The following UGT1A8 variants were observed in gnomAD, a reference collection of about 807,000 sequenced individuals.
UGT1A8 encodes UDP glucuronosyltransferase family 1 member A8.
In UGT1A8, 39 loss-of-function variants were observed where a neutral mutation model predicts 45.3. That is an observed-to-expected ratio of 0.86 (90% CI 0.67 to 1.12). The LOEUF is 1.12. UGT1A8 is among the 50% of genes most tolerant of loss of function. The probability of loss-of-function intolerance (pLI) is 0.00; values close to 1 mark genes in which losing one functional copy is unlikely to be tolerated. For missense variants in UGT1A8, 719 were observed against 664.9 expected (o/e 1.08, Z -0.90); for synonymous variants, 275 against 249.2 (o/e 1.10, Z -0.97).
Position 233,618,327 on chromosome 2 carries a change from T to C in UGT1A8, c.620T>C (p.Val207Ala). 6.2e-7 allele frequency: 1 copy of C among 1,613,816 alleles called. No individual in the cohort carries two copies. The highest frequency in any genetic ancestry group is 8.5e-7 in the Non-Finnish European group (1 of 1,179,842). The change falls in exon 1 of 5, where the codon GTA becomes GCA. Residue 207 changes from valine (V) to alanine (A), a missense_variant. By Grantham distance (64) the Val-to-Ala change is moderately conservative. Coordinates refer to ENST00000373450, the MANE Select transcript of UGT1A8 (RefSeq NM_019076.5). ...FSDAMTFKER[V>A]RNHIMHLEEH... is the part of the protein sequence containing the mutation. The stretch of plus-strand genomic sequence containing the variant: ...GATGCCATGACTTTCAAGGAGAGAG[T>C]ACGGAACCACATCATGCACTTGGAG...
In UGT1A8 at chr2:233,671,885, A is replaced by G. The variant is rs369568035; in HGVS notation, c.855+53323A>G. 2.6e-6 allele frequency: 4 copies of G among 1,559,510 alleles called. No individual in the cohort carries two copies. In the African/African-American group the frequency reaches 5.4e-5, roughly 21 times the overall value. ...TGCTGGTATTTCTCCCACCTACTGTATCATAGGAGCTTAGATTCCCAGCTG... is the reference window on the plus strand; with the variant it reads ...TGCTGGTATTTCTCCCACCTACTGTGTCATAGGAGCTTAGATTCCCAGCTG... On this transcript the variant is annotated intron_variant, in intron 1 of 4. Transcript: ENST00000373450.
chr2:233,704,803 T>C (rs890648963), intron 1 of UGT1A8, among the ~76,000 whole-genome samples: 1 of 152,152 alleles, frequency 6.6e-6, no homozygotes, highest in African/African-American at 2.4e-5. Context: ...TAATTATATA[T>C]ATGTATATTG....
At chr2:233,764,754 C>T (rs955406982) in intron 1 of UGT1A8, among the ~76,000 whole-genome samples, 3 of 152,116 alleles carry the variant, frequency 2.0e-5, no homozygotes, top group African/African-American at 7.2e-5. Context: ...GTGGTGCAGA[C>T]CCTAGGGAGG....
intron 1 of UGT1A8, among the ~76,000 whole-genome samples, chr2:233,676,719 G>A (rs1484423630): frequency 2.0e-5 from 3 of 152,136 alleles, no homozygotes; most frequent in African/African-American, 7.2e-5. Context: ...GTCAGTGTGT[G>A]TTTTGCCTGA....
Position 233,617,663 on chromosome 2 carries a change from T to C in UGT1A8, c.-45T>C, listed in dbSNP as rs374052263. On this transcript the variant is annotated 5_prime_UTR_variant, in exon 1 of 5. Transcript: ENST00000373450. ...TGTAGTTCTTCCGCCTACTGTATCA[T>C]AGCAGCTTAGAATCCCAGCTGCTGG... 14 of 1,585,936 alleles carry C rather than the reference T, an allele frequency of 8.8e-6. No individual in the cohort carries two copies. Among genetic ancestry groups the C allele is most frequent in the African/African-American group, 6.7e-5 (5 of 74,482 alleles).
intron 1 of UGT1A8, among the ~76,000 whole-genome samples, chr2:233,744,647 A>G (rs1048416794): frequency 6.6e-6 from 1 of 151,912 alleles, no homozygotes; most frequent in Non-Finnish European, 1.5e-5. Context: ...CAGCTTCTGT[A>G]TTCAATCTAC....
chr2:233,743,797 C>T (rs1382716558), intron 1 of UGT1A8: 8 of 1,367,342 alleles, frequency 5.9e-6, no homozygotes, highest in Non-Finnish European at 7.8e-6. Flanking sequence ...TCTCCGCTTC[C>T]TCCTTGTTCT....
rs1479139201 is a variant in UGT1A8, at chr2:233,636,851, T to A, written c.855+18289T>A. On this transcript the variant is annotated intron_variant, in intron 1 of 4. Coordinates refer to ENST00000373450, the MANE Select transcript of UGT1A8 (RefSeq NM_019076.5). The stretch of plus-strand genomic sequence containing the variant: ...GCACAAAGTATATTTTCTCTATTAA[T>A]GAGTTCATCCAGTGGTTTTCTTGAC... 4 of 1,614,126 alleles carry A rather than the reference T, an allele frequency of 2.5e-6. No homozygotes were observed. The South Asian group carries it at 3.3e-5, about 13-fold the overall frequency.
intron 1 of UGT1A8, among the ~76,000 whole-genome samples, chr2:233,758,868 C>T (rs1697003822): frequency 1.3e-5 from 2 of 152,158 alleles, no homozygotes; most frequent in South Asian, 4.1e-4. Context: ...ACAATACTTG[C>T]CCCATAGTCC....
intron 1 of UGT1A8, among the ~76,000 whole-genome samples, chr2:233,626,162 A>G (rs2073081220): frequency 6.6e-6 from 1 of 152,048 alleles, no homozygotes; most frequent in Non-Finnish European, 1.5e-5. Context: ...TCTTTGATGT[A>G]TTTAAAAATG....
At position 233,728,248 on chromosome 2, in the gene UGT1A8, GA is replaced by G. The variant is rs150082316; in HGVS notation, c.856-38785del. ...ATCTTCAGGATGAAATAAAGGCCTGGATGACTGAAATAAAGACTGGAGCCTT... is the reference window on the plus strand; with the variant it reads ...ATCTTCAGGATGAAATAAAGGCCTGGTGACTGAAATAAAGACTGGAGCCTT... On this transcript the variant is annotated intron_variant, in intron 1 of 4. Transcript: ENST00000373450. 8.8e-3 allele frequency among the ~76,000 whole-genome samples: 1,334 copies of G among 152,284 alleles called. 20 individuals carry two copies. The highest frequency in any genetic ancestry group is 0.03 in the African/African-American group (1,244 of 41,558).
chr2:233,669,470 T>C (rs1338841199), intron 1 of UGT1A8, among the ~76,000 whole-genome samples: 6 of 152,228 alleles, frequency 3.9e-5, no homozygotes, highest in Non-Finnish European at 8.8e-5. Flanking sequence ...TTCAGGTCTC[T>C]CACCAATGTT....
At chr2:233,641,399 T>C (rs1263183430) in intron 1 of UGT1A8, among the ~76,000 whole-genome samples, 2 of 152,180 alleles carry the variant, frequency 1.3e-5, no homozygotes, top group Non-Finnish European at 2.9e-5. Context: ...TAGAAACTAG[T>C]CTTAACTTTG....
intron 1 of UGT1A8, chr2:233,693,751 G>A: frequency 1.2e-6 from 2 of 1,614,202 alleles, no homozygotes; most frequent in Non-Finnish European, 1.7e-6. Flanking sequence ...TATATCAGAA[G>A]GTCTCTGTTT....
At chr2:233,720,465 GATGA>G (rs2076862299) in intron 1 of UGT1A8, among the ~76,000 whole-genome samples, 1 of 152,108 alleles carries the variant, frequency 6.6e-6, no homozygotes, top group Non-Finnish European at 1.5e-5. Flanking sequence ...TGGGACCAGT[GATGA>G]ATGGACATGT....
intron 1 of UGT1A8, chr2:233,648,897 T>G: frequency 1.5e-6 from 2 of 1,328,008 alleles, no homozygotes; most frequent in Non-Finnish European, 2.1e-6. Context: ...TCATGGCATA[T>G]GATCTCTACA....
At chr2:233,748,948 C>T (rs1323524016) in intron 1 of UGT1A8, among the ~76,000 whole-genome samples, 1 of 151,628 alleles carries the variant, frequency 6.6e-6, no homozygotes, top group Non-Finnish European at 1.5e-5. Context: ...CCACCCTATC[C>T]CACTCCAAGT....
Position 233,768,319 on chromosome 2 carries a change from G to C in UGT1A8, c.1175G>C (p.Gly392Ala), listed in dbSNP as rs367897068. The C allele has an allele frequency of 1.4e-5, 23 of 1,614,162 alleles. No individual in the cohort carries two copies. In the South Asian group the frequency reaches 2.2e-4, roughly 15 times the overall value. ...CCCATGGTGATGATGCCCTTGTTTG[G>C]TGATCAGATGGACAATGCAAAGCGC... is the stretch of plus-strand genomic sequence containing the variant. ...GVPMVMMPLF[G>A]DQMDNAKRME... The change falls in exon 4 of 5, where the codon GGT (glycine) becomes GCT (alanine). Residue 392 changes from glycine to alanine, a missense_variant. Transcript: ENST00000373450.
intron 1 of UGT1A8, among the ~76,000 whole-genome samples, chr2:233,700,929 G>T (rs577759047): frequency 6.6e-6 from 1 of 151,662 alleles, no homozygotes; most frequent in Non-Finnish European, 1.5e-5. Flanking sequence ...GTGTCTGTGT[G>T]TGATTGTTCA....
Sources: allele counts gnomAD v4.1 joint callset (sites outside exome capture counted in the v4.1 genomes callset), GRCh38; gene constraint gnomAD v4.1.1; transcripts MANE v1.5; gene names NCBI Gene and HGNC (gene_info 2026-07-23, HGNC 2026-07-21).